The following TAF12 variants were observed in gnomAD, a reference collection of about 807,000 sequenced individuals.
The protein encoded by TAF12 is TATA-box binding protein associated factor 12.
In TAF12, 3 loss-of-function variants were observed where a neutral mutation model predicts 20.8. The ratio of observed to expected loss-of-function variants is 0.14; its 90% CI spans 0.07 to 0.37. TAF12 has a LOEUF of 0.37. Ranked by LOEUF, TAF12 falls within the 10% of genes least tolerant of loss-of-function variation. The pLI is 1.00. For synonymous variants in TAF12, 69 were observed against 70.2 expected, an observed-to-expected ratio of 0.98 and a Z score of 0.09; for missense variants, 131 against 197.9, an observed-to-expected ratio of 0.66 and a Z score of 2.03.
chr1:28,607,810 A>G (rs975619703), intron 4 of TAF12, among the ~76,000 whole-genome samples: 1 of 152,052 alleles, frequency 6.6e-6, no homozygotes, highest in Non-Finnish European at 1.5e-5. Context: ...ACTGCACTGC[A>G]GCCTGGGTGA....
intron 4 of TAF12, among the ~76,000 whole-genome samples, chr1:28,612,671 G>T (rs1226211381): frequency 1.3e-5 from 2 of 151,164 alleles, no homozygotes; most frequent in African/African-American, 2.4e-5. Context: ...AGTGATTATG[G>T]TCATCACTGT....
At chr1:28,639,894 T>G (rs902259981) in intron 1 of TAF12, among the ~76,000 whole-genome samples, 1 of 151,446 alleles carries the variant, frequency 6.6e-6, no homozygotes, top group Non-Finnish European at 1.5e-5. Flanking sequence ...CAGGCTGGAG[T>G]ACAGTGACAC....
intron 1 of TAF12, among the ~76,000 whole-genome samples, chr1:28,624,262 T>C (rs1667310623): frequency 6.6e-6 from 1 of 152,236 alleles, no homozygotes; most frequent in African/African-American, 2.4e-5. Context: ...AAAATGAATG[T>C]CTGCTGTTAG....
At chr1:28,643,204 T>C (rs893582418), upstream of TAF12, 2 of 724,750 alleles carry the variant, frequency 2.8e-6, no homozygotes, top group Non-Finnish European at 3.4e-6. Flanking sequence ...GATATTGAGC[T>C]GTGTGTAGGT....
intron 5 of TAF12, 104 bp from the exon 6 acceptor site, chr1:28,603,678 C>T (rs1181044765): frequency 4.9e-6 from 6 of 1,214,880 alleles, no homozygotes; most frequent in East Asian, 2.3e-5. Flanking sequence ...CACTGTAGGC[C>T]GCAGCCCTCA....
chr1:28,642,950 C>T, intron 1 of TAF12, 42 bp downstream of exon 1: 2 of 986,340 alleles, frequency 2.0e-6, no homozygotes, highest in Non-Finnish European at 1.2e-6. Flanking sequence ...CTGACTCCCT[C>T]CTCCCGCTCT....
intron 4 of TAF12, 21 bp downstream of exon 4, chr1:28,613,226 G>C: frequency 6.3e-7 from 1 of 1,585,626 alleles, no homozygotes; most frequent in African/African-American, 1.3e-5. Flanking sequence ...CCATACTTCA[G>C]GGAGAAACAA....
intron 1 of TAF12, among the ~76,000 whole-genome samples, chr1:28,627,497 T>C (rs1242643453): frequency 6.7e-6 from 1 of 149,584 alleles, no homozygotes; most frequent in African/African-American, 2.5e-5. Flanking sequence ...ATCGAGACCA[T>C]CCTGGCTAAC....
chr1:28,642,550 G>A (rs916377278), intron 1 of TAF12: 2 of 788,438 alleles, frequency 2.5e-6, no homozygotes, highest in Non-Finnish European at 3.1e-6. Flanking sequence ...TGCCCCTCAG[G>A]AACCTAAGTC....
chr1:28,623,353 C>T (rs1219220042), intron 1 of TAF12, among the ~76,000 whole-genome samples: 1 of 151,996 alleles, frequency 6.6e-6, no homozygotes, highest in Admixed American at 6.6e-5. Flanking sequence ...GAAACCCCAA[C>T]TCTACTAAAA....
intron 2 of TAF12, among the ~76,000 whole-genome samples, chr1:28,618,701 G>GC (rs1447884845): frequency 6.6e-6 from 1 of 151,830 alleles, no homozygotes; most frequent in Non-Finnish European, 1.5e-5. Flanking sequence ...TCTTTCTGAT[G>GC]CTTTTCCTAG....
chr1:28,623,100 C>T (rs1009853362), intron 1 of TAF12, among the ~76,000 whole-genome samples: 2 of 151,970 alleles, frequency 1.3e-5, no homozygotes, highest in Non-Finnish European at 2.9e-5. Context: ...CCTAGCTACT[C>T]AGGAGGCTAA....
chr1:28,641,816 T>A lies in TAF12; in HGVS notation c.-85+1176A>T, dbSNP rs34455390. Reference sequence around the variant, plus strand: ...CTCAAAAAAAAAAAAAAAAAAAAAATTCCCTCCTGAGTTTGAAGATAAAGC... The same window carrying A: ...CTCAAAAAAAAAAAAAAAAAAAAAAATCCCTCCTGAGTTTGAAGATAAAGC... On this transcript the variant is annotated intron_variant, in intron 1 of 5. Coordinates refer to ENST00000373824, the MANE Select transcript of TAF12 (RefSeq NM_005644.4). Among the ~76,000 whole-genome samples the A allele has an allele frequency of 2.8e-3, 341 of 122,796 alleles. 2 individuals are homozygous for A. The highest frequency in any genetic ancestry group is 0.02 in the Admixed American group (260 of 12,932). 80.6% of individuals were successfully genotyped at this position (122,796 alleles called of 152,430 possible).
At chr1:28,632,870 A>G (rs1209390154) in intron 1 of TAF12, among the ~76,000 whole-genome samples, 5 of 152,002 alleles carry the variant, frequency 3.3e-5, no homozygotes, top group Non-Finnish European at 7.4e-5. Context: ...ATTTTAAAAA[A>G]TATGTATTTT....
chr1:28,615,508 G>A (rs1043511472), intron 3 of TAF12, among the ~76,000 whole-genome samples: 3 of 151,430 alleles, frequency 2.0e-5, no homozygotes, highest in Non-Finnish European at 4.4e-5. Context: ...GTGAAACCCC[G>A]TCTCTACTAA....
chr1:28,613,058 A>G (rs754036613), intron 4 of TAF12, among the ~76,000 whole-genome samples, 189 bp downstream of exon 4: 9 of 152,254 alleles, frequency 5.9e-5, no homozygotes, highest in African/African-American at 1.2e-4. Context: ...TTTCAAACCC[A>G]TGCCTGGGCT....
chr1:28,641,328 C>T (rs1417177605), intron 1 of TAF12, among the ~76,000 whole-genome samples: 3 of 151,702 alleles, frequency 2.0e-5, no homozygotes, highest in African/African-American at 7.3e-5. Flanking sequence ...ACTAAAAATA[C>T]AAAAAGTAGC....
At chr1:28,605,141 G>A (rs1005421303) in intron 5 of TAF12, among the ~76,000 whole-genome samples, 1 of 152,146 alleles carries the variant, frequency 6.6e-6, no homozygotes, top group Non-Finnish European at 1.5e-5. Flanking sequence ...ACTCAACAGA[G>A]TTACGAGAAA....
chr1:28,645,456 T>C (rs568914125), upstream of TAF12, among the ~76,000 whole-genome samples: 21 of 143,296 alleles, frequency 1.5e-4, no homozygotes, highest in East Asian at 4.7e-3. Flanking sequence ...GAGATCATCC[T>C]GGCCAAAATA....
Sources: gnomAD v4.1 joint callset for allele counts (sites outside exome capture counted in the v4.1 genomes callset) on GRCh38, gnomAD v4.1.1 for gene constraint, MANE v1.5 for transcripts, NCBI Gene and HGNC (gene_info 2026-07-23, HGNC 2026-07-21) for gene names.